Variants in TTC1 observed in about 807,000 individuals in gnomAD.
TTC1 encodes the protein tetratricopeptide repeat domain 1, also known as tetratricopeptide repeat protein 1.
In TTC1, 31 loss-of-function variants were observed where a neutral mutation model predicts 37.6. The ratio of observed to expected loss-of-function variants is 0.82; its 90% CI spans 0.62 to 1.11. The LOEUF is 1.11. Among genes scored for constraint, TTC1 ranks in the 50% most tolerant of loss-of-function variants. The probability of loss-of-function intolerance (pLI) is 0.00; values close to 1 mark genes in which losing one functional copy is unlikely to be tolerated. For missense variants in TTC1, 351 were observed against 339.0 expected (o/e 1.04, Z -0.28); for synonymous variants, 127 against 122.4 (o/e 1.04, Z -0.25).
chr5:160,032,214 A>G (rs1288450699), intron 2 of TTC1, among the ~76,000 whole-genome samples: 1 of 152,234 alleles, frequency 6.6e-6, no homozygotes, highest in African/African-American at 2.4e-5. Context: ...ATCTGTGTTC[A>G]TAGAATATTC....
intron 7 of TTC1, among the ~76,000 whole-genome samples, chr5:160,061,140 A>G (rs1753376833): frequency 6.6e-6 from 1 of 152,188 alleles, no homozygotes; most frequent in South Asian, 2.1e-4. Context: ...CTTCAGCCCC[A>G]TTGGACACAC....
Position 160,010,577 on chromosome 5 carries a change from G to A in TTC1, c.49G>A (p.Gly17Ser). The change falls in exon 2 of 8, where the codon GGT (glycine) becomes AGT (serine). Residue 17 changes from glycine to serine, a missense_variant. Physicochemically the swap from Gly to Ser is moderately conservative, Grantham distance 56. Coordinates refer to ENST00000231238, the MANE Select transcript of TTC1 (RefSeq NM_003314.3). ...TGGGGTTCCAGAGGATCTGTTAAAT[G>A]GTTTGAAGGTTACAGATACTCAGGA... ...NCGVPEDLLN[G>S]LKVTDTQEAE... The A allele has an allele frequency of 6.2e-7, 1 of 1,614,148 alleles. No homozygotes were observed. The highest frequency in any genetic ancestry group is 8.5e-7 in the Non-Finnish European group (1 of 1,180,030).
At chr5:160,010,389 G>A in intron 1 of TTC1, 111 bp from the exon 2 acceptor site, 2 of 598,716 alleles carry the variant, frequency 3.3e-6, no homozygotes, top group Non-Finnish European at 5.8e-6. Context: ...CCAGTGAAAG[G>A]AAATTACGGT....
intron 1 of TTC1, among the ~76,000 whole-genome samples, chr5:160,010,257 C>CAAAAAAA (rs397882520): frequency 2.0e-5 from 1 of 50,314 alleles, no homozygotes; most frequent in African/African-American, 7.9e-5. Context: ...GATTAAGTCT[C>CAAAAAAA]AAAAAAAAAA....
chr5:160,023,303 T>G (rs1249890111), intron 2 of TTC1, among the ~76,000 whole-genome samples: 3 of 151,150 alleles, frequency 2.0e-5, no homozygotes, highest in Non-Finnish European at 4.4e-5. Context: ...TCTTTTTTTT[T>G]TTTTTGGAAA....
chr5:160,027,347 A>G (rs1756825585), intron 2 of TTC1, among the ~76,000 whole-genome samples: 1 of 152,168 alleles, frequency 6.6e-6, no homozygotes. Context: ...GTTTAATAGT[A>G]CCTAATTTCA....
intron 2 of TTC1, among the ~76,000 whole-genome samples, chr5:160,012,824 C>T (rs950020537): frequency 6.6e-6 from 1 of 152,068 alleles, no homozygotes; most frequent in African/African-American, 2.4e-5. Flanking sequence ...ATTGTATACA[C>T]CTGCATAGTT....
Position 160,051,158 on chromosome 5 carries a change from T to C in TTC1, c.720T>C (p.Asn240=). The change falls in exon 7 of 8, where the codon AAT becomes AAC. Residue 240 remains asparagine, a synonymous_variant. Coordinates refer to ENST00000231238, the MANE Select transcript of TTC1 (RefSeq NM_003314.3). ...TACCTAAGCAAATTGAAGAACGTAA[T>C]GAAAGACTAAAAGAAGAGATGTTAG... ...MRLPKQIEER[N]ERLKEEMLGK... The C allele has an allele frequency of 6.2e-7, 1 of 1,610,414 alleles. No homozygotes were observed.
chr5:160,040,701 C>G (rs1757072567), intron 4 of TTC1, among the ~76,000 whole-genome samples: 1 of 152,048 alleles, frequency 6.6e-6, no homozygotes, highest in Non-Finnish European at 1.5e-5. Flanking sequence ...ACCTCAGCCT[C>G]TCCAGCAGCT....
chr5:160,013,760 T>A (rs1162645221), intron 2 of TTC1, among the ~76,000 whole-genome samples: 7 of 143,218 alleles, frequency 4.9e-5, no homozygotes, highest in Non-Finnish European at 9.3e-5. Flanking sequence ...AAAAAAAAAA[T>A]ACTAACTAAA....
chr5:160,028,298 C>CAA lies in TTC1; in HGVS notation c.331-6824_331-6823dup, dbSNP rs61408395. ...TAGGCGACAGAGCAAGACTCCGTCTCAAAAAAAAAAAAAAAAAAAGTTATC... is the reference window on the plus strand; with the variant it reads ...TAGGCGACAGAGCAAGACTCCGTCTCAAAAAAAAAAAAAAAAAAAAAGTTATC... On this transcript the variant is annotated intron_variant, in intron 2 of 7. Transcript: ENST00000231238. Among the ~76,000 whole-genome samples, 377 of 79,654 alleles carry CAA rather than the reference C, an allele frequency of 4.7e-3. 6 individuals carry two copies. Among genetic ancestry groups the CAA allele is most frequent in the African/African-American group, 0.015 (310 of 20,038 alleles). The allele number at this position is 79,654 out of a possible 152,430, so 52.3% of individuals were successfully genotyped here.
chr5:160,062,078 G>A (rs1581131082), intron 7 of TTC1: 1 of 152,252 alleles, frequency 6.6e-6, no homozygotes, highest in African/African-American at 2.4e-5. Flanking sequence ...ATTTTAGAGT[G>A]CAGCCACTCT....
intron 4 of TTC1, among the ~76,000 whole-genome samples, chr5:160,042,331 A>G (rs551071870): frequency 7.2e-5 from 11 of 152,372 alleles, no homozygotes; most frequent in African/African-American, 2.6e-4. Context: ...TTGTGAGAAT[A>G]TTGAACACTT....
chr5:160,016,185 C>G (rs904268789), intron 2 of TTC1, among the ~76,000 whole-genome samples: 1 of 152,188 alleles, frequency 6.6e-6, no homozygotes, highest in Non-Finnish European at 1.5e-5. Flanking sequence ...CAAGACCAGC[C>G]TGGCCAACAT....
At position 160,049,629 on chromosome 5, in the gene TTC1, T is replaced by C; in HGVS notation, c.657T>C (p.Asp219=). 1.3e-6 allele frequency: 2 copies of C among 1,598,198 alleles called. No homozygotes were observed. Among genetic ancestry groups the C allele is most frequent in the Non-Finnish European group, 1.7e-6 (2 of 1,175,554 alleles). Residue 219 remains aspartate (D), a synonymous_variant, in exon 6 of 8, where the codon GAT becomes GAC. Coordinates refer to ENST00000231238, the MANE Select transcript of TTC1 (RefSeq NM_003314.3). ...LEDYKSILEK[D]PSIHQAREAC... ...ACTATAAATCTATATTAGAAAAAGA[T>C]CCATCAATACATCAAGCAAGAGAAG...
At chr5:160,047,529 G>A (rs1411443184) in intron 5 of TTC1, among the ~76,000 whole-genome samples, 1 of 152,184 alleles carries the variant, frequency 6.6e-6, no homozygotes, top group East Asian at 1.9e-4. Flanking sequence ...TGATCTCACA[G>A]CTTTCAGTCT....
At position 160,045,592 on chromosome 5, in the gene TTC1, GC is replaced by G. The variant is rs545145778; in HGVS notation, c.541+2424del. ...TCAATCTCTCAATTCATAAACCTTG[GC>G]AAAGAACTTAGCTTATTTCTGAGGT... On this transcript the variant is annotated intron_variant, in intron 5 of 7. Coordinates refer to ENST00000231238, the MANE Select transcript of TTC1 (RefSeq NM_003314.3). Among the ~76,000 whole-genome samples, 50 of 141,250 alleles carry G rather than the reference GC, an allele frequency of 3.5e-4. 1 individual carries two copies. The highest frequency in any genetic ancestry group is 1.3e-3 in the African/African-American group (49 of 37,370). The allele number at this position is 141,250 out of a possible 152,430, so 92.7% of individuals were successfully genotyped here.
intron 4 of TTC1, among the ~76,000 whole-genome samples, chr5:160,040,879 G>A (rs930308688): frequency 1.1e-4 from 16 of 151,740 alleles, no homozygotes; most frequent in African/African-American, 3.9e-4. Context: ...CGAATCACTG[G>A]AATTATAGGC....
chr5:160,037,112 G>T (rs1217272780), intron 4 of TTC1, among the ~76,000 whole-genome samples: 1 of 152,142 alleles, frequency 6.6e-6, no homozygotes, highest in Non-Finnish European at 1.5e-5. Context: ...AATAGCTCTA[G>T]ATCCTTATTT....
Sources: allele counts gnomAD v4.1 joint callset (sites outside exome capture counted in the v4.1 genomes callset), GRCh38; gene constraint gnomAD v4.1.1; transcripts MANE v1.5; gene names NCBI Gene and HGNC (gene_info 2026-07-23, HGNC 2026-07-21).